The following CALU variants were observed in gnomAD, a reference collection of about 807,000 sequenced individuals.
CALU encodes calumenin.
In CALU, 13 loss-of-function variants were observed where a neutral mutation model predicts 37.5. That is an observed-to-expected ratio of 0.35 (90% CI 0.23 to 0.55). The LOEUF (loss-of-function observed/expected upper bound fraction) is 0.55. Ranked by LOEUF, CALU falls within the 20% of genes least tolerant of loss-of-function variation. The probability of loss-of-function intolerance (pLI) is 0.89; values close to 1 mark genes in which losing one functional copy is unlikely to be tolerated. For missense variants in CALU, 282 were observed against 391.7 expected, an observed-to-expected ratio of 0.72 and a Z score of 2.36; for synonymous variants, 114 against 133.8, an observed-to-expected ratio of 0.85 and a Z score of 1.02.
rs1005780123 is a variant in CALU, at chr7:128,769,289, T to G, written c.*122T>G. The G allele has an allele frequency of 1.4e-5, 8 of 590,182 alleles. No individual in the cohort carries two copies. The highest frequency in any genetic ancestry group is 2.4e-5 in the Non-Finnish European group (8 of 333,690). 36.6% of individuals were successfully genotyped at this position (590,182 alleles called of 1,614,324 possible). On this transcript the variant is annotated 3_prime_UTR_variant, in exon 7 of 7. Coordinates refer to ENST00000249364, the MANE Select transcript of CALU (RefSeq NM_001219.5). ...CTTTTTAAGACATGAAAAGGCGTAA[T>G]GAAAACCATCCCGTCCCCATTCCTC... is the stretch of plus-strand genomic sequence containing the variant.
intron 5 of CALU, among the ~76,000 whole-genome samples, chr7:128,765,983 G>GTC (rs1236386421): frequency 3.9e-5 from 6 of 152,156 alleles, no homozygotes; most frequent in South Asian, 2.1e-4. Context: ...TCAAGGTGGA[G>GTC]TCTCTCTCTC....
At position 128,751,286 on chromosome 7, in the gene CALU, C is replaced by CAA. The variant is rs34162068; in HGVS notation, c.221+2500_221+2501dup. On this transcript the variant is annotated intron_variant, in intron 2 of 6. Transcript: ENST00000249364. ...CTGGCAACAAAGTGAGACTCCGTCT[C>CAA]AAAAAAAAAAAAAAAAAAATTCCTT... Among the ~76,000 whole-genome samples the CAA allele has an allele frequency of 8.9e-3, 926 of 104,302 alleles. 17 individuals carry two copies. Among genetic ancestry groups the CAA allele is most frequent in the African/African-American group, 0.03 (876 of 29,466 alleles). 68.4% of individuals were successfully genotyped at this position (104,302 alleles called of 152,430 possible).
Position 128,772,678 on chromosome 7 carries a change from T to C in CALU, c.*3511T>C, listed in dbSNP as rs1236804194. 11 of 1,613,868 alleles carry C rather than the reference T, an allele frequency of 6.8e-6. No homozygotes were observed. In the East Asian group the frequency reaches 1.8e-4, roughly 26 times the overall value. On this transcript the variant is annotated 3_prime_UTR_variant, in exon 7 of 7. Coordinates refer to ENST00000249364, the MANE Select transcript of CALU (RefSeq NM_001219.5). ...CTTGGAACTGGAGAGAAAGGTACAA[T>C]TGGAGATAACCTTGGCAGATGAGGA...
chr7:128,750,309 C>G (rs1188336718), intron 2 of CALU, among the ~76,000 whole-genome samples: 1 of 151,758 alleles, frequency 6.6e-6, no homozygotes, highest in African/African-American at 2.4e-5. Flanking sequence ...ACGTCCAACC[C>G]ACATTTTGGT....
chr7:128,751,834 G>A (rs1414438739), intron 2 of CALU, among the ~76,000 whole-genome samples: 1 of 152,122 alleles, frequency 6.6e-6, no homozygotes, highest in Non-Finnish European at 1.5e-5. Flanking sequence ...AACAACTGAA[G>A]GGTTTGCTTT....
chr7:128,755,261 A>G (rs575999555), intron 3 of CALU, among the ~76,000 whole-genome samples: 1 of 132,658 alleles, frequency 7.5e-6, no homozygotes, highest in East Asian at 2.4e-4. Context: ...GCTGCGAGCC[A>G]TGATTGCACT....
chr7:128,767,628 C>T lies in CALU; in HGVS notation c.816C>T (p.His272=). 3 of 1,614,152 alleles carry T rather than the reference C, an allele frequency of 1.9e-6. No homozygotes were observed. The highest frequency in any genetic ancestry group is 2.5e-6 in the Non-Finnish European group (3 of 1,179,996). ...DYDHAEAEAR[H]LVYESDQNKD... ...ATCATGCAGAGGCAGAAGCCAGGCACCTGGTCTATGAATCAGACCAAAACA... is the reference window on the plus strand; with the variant it reads ...ATCATGCAGAGGCAGAAGCCAGGCATCTGGTCTATGAATCAGACCAAAACA... The change falls in exon 6 of 7, where the codon CAC becomes CAT. Residue 272 remains histidine (H), a synonymous_variant. Transcript: ENST00000249364.
At position 128,758,862 on chromosome 7, in the gene CALU, G is replaced by A; in HGVS notation, c.416-9G>A. The A allele has an allele frequency of 6.3e-7, 1 of 1,591,756 alleles. No individual in the cohort carries two copies. The highest frequency in any genetic ancestry group is 8.6e-7 in the Non-Finnish European group (1 of 1,168,562). On this transcript the variant is annotated splice_polypyrimidine_tract_variant and intron_variant, in intron 3 of 6. Coordinates refer to ENST00000249364, the MANE Select transcript of CALU (RefSeq NM_001219.5). ...CTTTTAAGATTTGACCTAAATTTTT[G>A]TTTTCTAGATGATCCAGATCCTGAT...
chr7:128,749,607 C>T (rs144255742), intron 2 of CALU, among the ~76,000 whole-genome samples: 8 of 152,234 alleles, frequency 5.3e-5, no homozygotes, highest in Non-Finnish European at 1.2e-4. Context: ...AAAGTTGTGC[C>T]ACACATAGCA....
At chr7:128,741,784 C>T (rs1314850689) in intron 1 of CALU, among the ~76,000 whole-genome samples, 4 of 152,204 alleles carry the variant, frequency 2.6e-5, no homozygotes, top group Non-Finnish European at 5.9e-5. Context: ...TAGCATTTCT[C>T]TCACAATTGA....
At chr7:128,760,135 T>C (rs1421369425) in intron 5 of CALU, among the ~76,000 whole-genome samples, 3 of 151,990 alleles carry the variant, frequency 2.0e-5, no homozygotes, top group African/African-American at 7.3e-5. Context: ...GAGGCGGAGG[T>C]TGCAGTGAGC....
intron 2 of CALU, among the ~76,000 whole-genome samples, chr7:128,752,622 A>G (rs1344916159): frequency 6.6e-6 from 1 of 152,240 alleles, no homozygotes; most frequent in African/African-American, 2.4e-5. Flanking sequence ...ATTCTACAGG[A>G]CTAAAGTTAC....
At chr7:128,767,910 G>A (rs1405246745) in intron 6 of CALU, among the ~76,000 whole-genome samples, 1 of 152,102 alleles carries the variant, frequency 6.6e-6, no homozygotes, top group Non-Finnish European at 1.5e-5. Context: ...TGTGTAGCCT[G>A]TGCCCAGCAT....
intron 1 of CALU, among the ~76,000 whole-genome samples, chr7:128,745,074 T>G (rs1800379318): frequency 6.6e-6 from 1 of 152,228 alleles, no homozygotes; most frequent in Non-Finnish European, 1.5e-5. Flanking sequence ...TTTATTCATA[T>G]TGTAATATTT....
chr7:128,760,995 T>A (rs907070468), intron 5 of CALU, among the ~76,000 whole-genome samples: 3 of 152,186 alleles, frequency 2.0e-5, no homozygotes, highest in Non-Finnish European at 4.4e-5. Flanking sequence ...GATTAAAAGA[T>A]GGATAAATAA....
chr7:128,758,461 C>T (rs961723372), intron 3 of CALU, among the ~76,000 whole-genome samples: 2 of 152,170 alleles, frequency 1.3e-5, no homozygotes, highest in African/African-American at 4.8e-5. Context: ...AAGCCGGCAC[C>T]ATTGCTAGCT....
intron 1 of CALU, 123 bp from the exon 2 acceptor site, chr7:128,748,450 A>G: frequency 8.3e-7 from 1 of 1,200,136 alleles, no homozygotes; most frequent in Non-Finnish European, 1.2e-6. Flanking sequence ...TTGGGATAAT[A>G]TAAAAGACTT....
intron 3 of CALU, among the ~76,000 whole-genome samples, chr7:128,757,574 G>C (rs972132022): frequency 1.3e-5 from 2 of 152,156 alleles, no homozygotes; most frequent in Admixed American, 1.3e-4. Context: ...CAGTAATGAT[G>C]TTATTCTTAA....
chr7:128,741,854 T>C (rs774523214), intron 1 of CALU, among the ~76,000 whole-genome samples: 4 of 152,204 alleles, frequency 2.6e-5, no homozygotes, highest in Non-Finnish European at 5.9e-5. Flanking sequence ...TTCTAGAACT[T>C]TTTTCTTTAA....
Sources: allele counts gnomAD v4.1 joint callset (sites outside exome capture counted in the v4.1 genomes callset), GRCh38; gene constraint gnomAD v4.1.1; transcripts MANE v1.5; gene names NCBI Gene and HGNC (gene_info 2026-07-23, HGNC 2026-07-21).